CPNE4: variants seen among roughly 807,000 people sequenced by gnomAD.
CPNE4 encodes copine-4.
Under a neutral mutation model 67.9 loss-of-function variants are expected in CPNE4, and 25 were observed. The ratio of observed to expected loss-of-function variants is 0.37; its 90% CI spans 0.27 to 0.51. The LOEUF (loss-of-function observed/expected upper bound fraction) is 0.51, where lower values mean the gene tolerates loss of function less well. Ranked by LOEUF, CPNE4 falls within the 20% of genes least tolerant of loss-of-function variation. The pLI is 0.93. For synonymous variants in CPNE4, 242 were observed against 244.9 expected (o/e 0.99, Z 0.11); for missense variants, 464 against 690.8 (o/e 0.67, Z 3.68).
intron 10 of CPNE4, among the ~76,000 whole-genome samples, chr3:131,569,502 G>A (rs1420483312): frequency 1.3e-5 from 2 of 151,782 alleles, no homozygotes; most frequent in African/African-American, 2.4e-5. Context: ...AGCCAGTGTG[G>A]TAGCATATGG....
intron 2 of CPNE4, among the ~76,000 whole-genome samples, chr3:131,732,395 C>G (rs1006695970): frequency 2.6e-5 from 4 of 152,194 alleles, no homozygotes; most frequent in African/African-American, 4.8e-5. Context: ...TCTTTCTGCT[C>G]TGCTATGTAC....
At chr3:132,029,722 C>T (rs1159341387) in intron 1 of CPNE4, among the ~76,000 whole-genome samples, 1 of 152,216 alleles carries the variant, frequency 6.6e-6, no homozygotes, top group African/African-American at 2.4e-5. Flanking sequence ...GGAGAAATTT[C>T]TCTAGTTTCC....
intron 1 of CPNE4, among the ~76,000 whole-genome samples, chr3:131,905,753 A>G (rs2088724613): frequency 6.6e-6 from 1 of 152,184 alleles, no homozygotes; most frequent in African/African-American, 2.4e-5. Context: ...ATAGGCTGCA[A>G]ACTGTAATCC....
intron 14 of CPNE4, among the ~76,000 whole-genome samples, chr3:131,545,058 C>A (rs538614844): frequency 6.6e-6 from 1 of 152,188 alleles, no homozygotes; most frequent in African/African-American, 2.4e-5. Context: ...GTATTTTAGG[C>A]TTTGTAGACC....
At chr3:131,764,823 A>C (rs1198056084) in intron 2 of CPNE4, among the ~76,000 whole-genome samples, 1 of 152,092 alleles carries the variant, frequency 6.6e-6, no homozygotes, top group Non-Finnish European at 1.5e-5. Flanking sequence ...TTCTATTTCT[A>C]CATCTTCCCA....
intron 1 of CPNE4, among the ~76,000 whole-genome samples, chr3:132,023,782 C>T (rs1465741749): frequency 1.3e-5 from 2 of 152,160 alleles, no homozygotes; most frequent in Non-Finnish European, 2.9e-5. Context: ...CCACCGCACC[C>T]GGCCCAGATC....
At chr3:131,739,662 A>G (rs1399338264) in intron 2 of CPNE4, among the ~76,000 whole-genome samples, 1 of 152,246 alleles carries the variant, frequency 6.6e-6, no homozygotes, top group Non-Finnish European at 1.5e-5. Context: ...CTTGGCCACC[A>G]TGGCCAGTAA....
At chr3:131,958,240 A>G (rs1406958717) in intron 1 of CPNE4, among the ~76,000 whole-genome samples, 1 of 152,212 alleles carries the variant, frequency 6.6e-6, no homozygotes, top group East Asian at 1.9e-4. Context: ...TGAGCAATAA[A>G]TAGCTCAGAG....
intron 2 of CPNE4, among the ~76,000 whole-genome samples, chr3:131,841,019 G>T (rs1230428897): frequency 6.6e-6 from 1 of 152,128 alleles, no homozygotes; most frequent in Non-Finnish European, 1.5e-5. Context: ...GGAGAGAAAT[G>T]TTGTTTTCGT....
chr3:132,030,777 G>A (rs551033261), intron 1 of CPNE4, among the ~76,000 whole-genome samples: 12 of 152,304 alleles, frequency 7.9e-5, no homozygotes, highest in African/African-American at 2.9e-4. Context: ...CATAACTGCA[G>A]TTTCTAGTAC....
intron 6 of CPNE4, among the ~76,000 whole-genome samples, chr3:131,683,243 TCACA>T (rs1285457724): frequency 6.6e-6 from 1 of 152,156 alleles, no homozygotes; most frequent in African/African-American, 2.4e-5. Context: ...ATGCACTGCA[TCACA>T]TCTAAAGCCA....
intron 2 of CPNE4, among the ~76,000 whole-genome samples, chr3:131,774,004 C>T (rs2083233151): frequency 6.6e-6 from 1 of 152,090 alleles, no homozygotes; most frequent in African/African-American, 2.4e-5. Flanking sequence ...CAGGGTGATA[C>T]ATATCTTTGT....
intron 2 of CPNE4, among the ~76,000 whole-genome samples, chr3:131,840,487 ACT>A (rs1186592678): frequency 6.6e-6 from 1 of 152,176 alleles, no homozygotes; most frequent in African/African-American, 2.4e-5. Context: ...TAGCTAGTTA[ACT>A]CTAGAATTCT....
Position 131,932,556 on chromosome 3 carries a change from T to C in CPNE4, c.-1-27112A>G, listed in dbSNP as rs893111186. Among the ~76,000 whole-genome samples the C allele has an allele frequency of 2.6e-5, 4 of 152,208 alleles. No individual in the cohort carries two copies. In the East Asian group the frequency reaches 5.8e-4, roughly 22 times the overall value. On this transcript the variant is annotated intron_variant, in intron 1 of 15. Transcript: ENST00000429747. ...GGGTAAACAGCATGATGAAATATTATAAGAGAGATACCCTTAGGGATCAGA... is the reference window on the plus strand; with the variant it reads ...GGGTAAACAGCATGATGAAATATTACAAGAGAGATACCCTTAGGGATCAGA...
chr3:131,552,351 A>C (rs1357018049), intron 13 of CPNE4, 89 bp downstream of exon 13: 2 of 1,081,982 alleles, frequency 1.8e-6, no homozygotes, highest in African/African-American at 3.1e-5. Context: ...AATCGTAACT[A>C]ATATGCTACA....
chr3:131,789,270 C>A (rs1273737573), intron 2 of CPNE4, among the ~76,000 whole-genome samples: 5 of 152,086 alleles, frequency 3.3e-5, no homozygotes, highest in Non-Finnish European at 7.4e-5. Flanking sequence ...AATCCCAGAC[C>A]TGTCAATTAC....
intron 2 of CPNE4, among the ~76,000 whole-genome samples, chr3:131,798,156 T>G (rs896772807): frequency 3.9e-5 from 6 of 152,080 alleles, no homozygotes; most frequent in Non-Finnish European, 8.8e-5. Context: ...ACTTTGGGGG[T>G]TAGGACTTCA....
intron 2 of CPNE4, among the ~76,000 whole-genome samples, chr3:131,863,108 T>C (rs992253858): frequency 7.9e-5 from 12 of 152,312 alleles, no homozygotes; most frequent in Admixed American, 3.9e-4. Flanking sequence ...CAGTCTATCA[T>C]TGTTGGACAT....
At position 131,749,767 on chromosome 3, in the gene CPNE4, C is replaced by T. The variant is rs112468952; in HGVS notation, c.181-26142G>A. ...AATGTATTTGATATTAATTTAGGCA[C>T]GTCTGCTTTCATTAGATTAATATTT... On this transcript the variant is annotated intron_variant, in intron 2 of 15. Coordinates refer to ENST00000429747, the MANE Select transcript of CPNE4 (RefSeq NM_130808.3). Among the ~76,000 whole-genome samples the T allele has an allele frequency of 8.8e-3, 1,342 of 152,178 alleles. 18 individuals carry two copies. The highest frequency in any genetic ancestry group is 0.031 in the African/African-American group (1,279 of 41,510).
Sources: gnomAD v4.1 joint callset for allele counts (sites outside exome capture counted in the v4.1 genomes callset) on GRCh38, gnomAD v4.1.1 for gene constraint, MANE v1.5 for transcripts, NCBI Gene and HGNC (gene_info 2026-07-23, HGNC 2026-07-21) for gene names.